MAP3K5: variants seen among roughly 807,000 people sequenced by gnomAD.
MAP3K5 encodes the protein ASK-1.
A neutral mutation model predicts 158.7 loss-of-function variants in MAP3K5; 56 were observed. The observed-to-expected ratio is 0.35, with a 90% CI of 0.28 to 0.44. The LOEUF (loss-of-function observed/expected upper bound fraction) is 0.44. MAP3K5 is among the 20% of genes least tolerant of loss of function. MAP3K5 has a pLI of 1.00. For missense variants in MAP3K5, 1,294 were observed against 1,674.8 expected (o/e 0.77, Z 3.97); for synonymous variants, 579 against 601.7 (o/e 0.96, Z 0.55).
chr6:136,616,188 T>C (rs890065885), intron 15 of MAP3K5, among the ~76,000 whole-genome samples: 3 of 152,124 alleles, frequency 2.0e-5, no homozygotes, highest in Non-Finnish European at 4.4e-5. Context: ...AATATCAATA[T>C]ACAGTGTTAC....
At chr6:136,766,802 A>G (rs989712749) in intron 1 of MAP3K5, among the ~76,000 whole-genome samples, 3 of 152,252 alleles carry the variant, frequency 2.0e-5, no homozygotes, top group African/African-American at 7.2e-5. Flanking sequence ...ATATATTCAC[A>G]GATAGGAATT....
chr6:136,642,566 C>A lies in MAP3K5; in HGVS notation c.1792G>T (p.Gly598Cys), dbSNP rs192968107. Reference protein sequence around the residue: ...IWHVLPDDKKGIHEWNFSASS... With the variant: ...IWHVLPDDKKCIHEWNFSASS... ...GCACTAAAATTCCACTCATGTATAC[C>A]TTTCTAGAACAACAACAAGAAAATA... Residue 598 changes from glycine (G) to cysteine (C), a missense_variant, in exon 12 of 30, where the codon GGT becomes TGT. Gly to Cys is a radical substitution (Grantham distance 159). Transcript: ENST00000359015. 6.2e-7 allele frequency: 1 copy of A among 1,601,312 alleles called. No individual in the cohort carries two copies. Among genetic ancestry groups the A allele is most frequent in the East Asian group, 2.2e-5 (1 of 44,720 alleles).
At chr6:136,743,176 C>T (rs1476103401) in intron 1 of MAP3K5, among the ~76,000 whole-genome samples, 3 of 152,160 alleles carry the variant, frequency 2.0e-5, no homozygotes, top group Non-Finnish European at 4.4e-5. Context: ...TACGGCTGGG[C>T]GCAGTGGCTC....
Position 136,656,307 on chromosome 6 carries a change from T to C in MAP3K5, c.1680A>G (p.Pro560=). The C allele has an allele frequency of 6.2e-7, 1 of 1,613,552 alleles. No individual in the cohort carries two copies. Among genetic ancestry groups the C allele is most frequent in the Non-Finnish European group, 8.5e-7 (1 of 1,179,514 alleles). Residue 560 remains proline (P), a splice_region_variant and synonymous_variant, in exon 10 of 30, where the codon CCA becomes CCG. Coordinates refer to ENST00000359015, the MANE Select transcript of MAP3K5 (RefSeq NM_005923.4). ...TKTDVTVVRF[P]VLILEPTKIY... ...TTAGATTTAAAGGAAGAGTACTCACTGGAAACCTAACCACAGTAACATCTG... is the reference window on the plus strand; with the variant it reads ...TTAGATTTAAAGGAAGAGTACTCACCGGAAACCTAACCACAGTAACATCTG...
At chr6:136,637,506 G>A in intron 13 of MAP3K5, 100 bp from the exon 14 acceptor site, 1 of 761,212 alleles carries the variant, frequency 1.3e-6, no homozygotes, top group Non-Finnish European at 2.4e-6. Flanking sequence ...TGAGAGCTAA[G>A]AGAGTCTCCA....
At chr6:136,578,481 A>C (rs1320952461) in intron 25 of MAP3K5, among the ~76,000 whole-genome samples, 2 of 152,174 alleles carry the variant, frequency 1.3e-5, no homozygotes, top group Non-Finnish European at 2.9e-5. Flanking sequence ...TTAAACTAGA[A>C]ACAAAAGTAG....
intron 24 of MAP3K5, 27 bp downstream of exon 24, chr6:136,583,528 A>G: frequency 6.3e-7 from 1 of 1,584,146 alleles, no homozygotes; most frequent in Non-Finnish European, 8.6e-7. Flanking sequence ...AGTGTGTGGG[A>G]AAACACTGGC....
At chr6:136,636,958 C>T (rs891958491) in intron 14 of MAP3K5, 1 of 1,031,420 alleles carries the variant, frequency 9.7e-7, no homozygotes, top group African/African-American at 1.7e-5. Flanking sequence ...TTAATGCCTG[C>T]CACAAGGGTG....
At chr6:136,717,058 G>A (rs1296971125) in intron 2 of MAP3K5, among the ~76,000 whole-genome samples, 8 of 151,498 alleles carry the variant, frequency 5.3e-5, no homozygotes, top group Admixed American at 1.3e-4. Flanking sequence ...CTCTGGAGGC[G>A]GAGGTTGCAG....
At chr6:136,727,248 C>A (rs2114808855) in intron 1 of MAP3K5, among the ~76,000 whole-genome samples, 1 of 152,340 alleles carries the variant, frequency 6.6e-6, no homozygotes, top group Admixed American at 6.5e-5. Flanking sequence ...ATAGGAGGAA[C>A]AGTTTATCCA....
At chr6:136,761,243 T>C (rs1783739273) in intron 1 of MAP3K5, among the ~76,000 whole-genome samples, 1 of 147,218 alleles carries the variant, frequency 6.8e-6, no homozygotes, top group African/African-American at 2.6e-5. Flanking sequence ...ACCTATTACA[T>C]GTGAGCACTA....
chr6:136,577,079 T>C (rs1265861121), intron 25 of MAP3K5, among the ~76,000 whole-genome samples: 1 of 152,166 alleles, frequency 6.6e-6, no homozygotes, highest in Non-Finnish European at 1.5e-5. Flanking sequence ...AAGCAATGCA[T>C]ATTGTACTAG....
intron 1 of MAP3K5, among the ~76,000 whole-genome samples, chr6:136,745,180 G>T (rs1782884229): frequency 6.9e-6 from 1 of 145,596 alleles, no homozygotes; most frequent in African/African-American, 2.6e-5. Context: ...AACTTAATTG[G>T]AGCTTCGGCA....
At chr6:136,692,608 A>G (rs74616182) in intron 7 of MAP3K5, among the ~76,000 whole-genome samples, 1 of 152,232 alleles carries the variant, frequency 6.6e-6, no homozygotes, top group Non-Finnish European at 1.5e-5. Flanking sequence ...ATTGTTATCA[A>G]CAGGAAGATA....
At chr6:136,728,187 T>C (rs910859038) in intron 1 of MAP3K5, among the ~76,000 whole-genome samples, 4 of 152,188 alleles carry the variant, frequency 2.6e-5, no homozygotes, top group African/African-American at 9.7e-5. Flanking sequence ...ATTTTGGTCA[T>C]CGAATGGCAG....
chr6:136,619,003 G>A lies in MAP3K5; in HGVS notation c.2150+3845C>T, dbSNP rs372125893. ...GGCATTTTGGGCGAGTGCAACAGAG[G>A]AGAAAGTATACTGGGCAGTTCTGGG... On this transcript the variant is annotated intron_variant, in intron 15 of 29. Coordinates refer to ENST00000359015, the MANE Select transcript of MAP3K5 (RefSeq NM_005923.4). 6.9e-4 allele frequency among the ~76,000 whole-genome samples: 105 copies of A among 152,310 alleles called. 1 individual carries two copies. The highest frequency in any genetic ancestry group is 2.3e-3 in the African/African-American group (97 of 41,574).
At chr6:136,561,408 C>T (rs534405089) in intron 28 of MAP3K5, 125 bp downstream of exon 28, 1 of 646,814 alleles carries the variant, frequency 1.5e-6, no homozygotes, top group Non-Finnish European at 2.8e-6. Flanking sequence ...GGTCTGTAAG[C>T]CTCAGGAGGG....
chr6:136,692,848 C>T (rs572731442), intron 7 of MAP3K5, among the ~76,000 whole-genome samples: 107 of 152,166 alleles, frequency 7.0e-4, no homozygotes, highest in African/African-American at 2.4e-3. Flanking sequence ...CCCAGCTACT[C>T]AGGAGGCTGA....
rs946121572 is a variant in MAP3K5, at chr6:136,698,447, C to T, written c.806+42G>A. The T allele has an allele frequency of 4.5e-6, 7 of 1,551,524 alleles. No individual in the cohort carries two copies. In the African/African-American group the frequency reaches 9.5e-5, roughly 21 times the overall value. On this transcript the variant is annotated intron_variant, in intron 4 of 29. Transcript: ENST00000359015. ...GCACAAATAAAGATGTAGAATAACA[C>T]TTTATTGTCATCACCAAATGGCATT...
Sources: allele counts gnomAD v4.1 joint callset (sites outside exome capture counted in the v4.1 genomes callset), GRCh38; gene constraint gnomAD v4.1.1; transcripts MANE v1.5; gene names NCBI Gene and HGNC (gene_info 2026-07-23, HGNC 2026-07-21).